The following FSTL4 variants were observed in gnomAD, a reference collection of about 807,000 sequenced individuals.
FSTL4 encodes follistatin like 4.
Under a neutral mutation model 78.2 loss-of-function variants are expected in FSTL4, and 28 were observed. The observed-to-expected ratio is 0.36, with a 90% confidence interval of 0.27 to 0.49. The LOEUF (loss-of-function observed/expected upper bound fraction) is 0.49. FSTL4 is among the 20% of genes least tolerant of loss of function. FSTL4 has a pLI of 0.98. For synonymous variants in FSTL4, 422 were observed against 440.5 expected (o/e 0.96, Z 0.53); for missense variants, 922 against 1,084.9 (o/e 0.85, Z 2.11).
chr5:133,527,406 G>T (rs568479802), intron 3 of FSTL4, among the ~76,000 whole-genome samples: 1 of 152,046 alleles, frequency 6.6e-6, no homozygotes, highest in East Asian at 1.9e-4. Flanking sequence ...AATCAGGCAG[G>T]GCTAGCCAGT....
At chr5:133,827,531 C>A in the FSTL4 span, among the ~76,000 whole-genome samples, 1 of 152,020 alleles carries the variant, frequency 6.6e-6, no homozygotes, top group Non-Finnish European at 1.5e-5. Context: ...GGACACTGTG[C>A]AAATACTCTC....
At chr5:133,655,587 A>G in the FSTL4 span, among the ~76,000 whole-genome samples, 1 of 152,188 alleles carries the variant, frequency 6.6e-6, no homozygotes, top group Non-Finnish European at 1.5e-5. Flanking sequence ...CTGGGGATGT[A>G]TTGGTGAACT....
At chr5:133,813,184 G>A in the FSTL4 span, among the ~76,000 whole-genome samples, 74 of 152,246 alleles carry the variant, frequency 4.9e-4, no homozygotes, top group East Asian at 5.6e-3. Flanking sequence ...TGAAAGCCAC[G>A]TATGTAGCTT....
At chr5:133,627,235 G>T in the FSTL4 span, among the ~76,000 whole-genome samples, 1 of 148,144 alleles carries the variant, frequency 6.8e-6, no homozygotes, top group Admixed American at 6.8e-5. Flanking sequence ...CCAAGACTGT[G>T]GAATTTATAA....
At chr5:133,714,779 AC>A in the FSTL4 span, among the ~76,000 whole-genome samples, 1 of 152,130 alleles carries the variant, frequency 6.6e-6, no homozygotes, top group Non-Finnish European at 1.5e-5. Flanking sequence ...GATATGTGTT[AC>A]CCCAGCGTCA....
At chr5:133,616,330 T>TATCTATC (rs1280721991), upstream of FSTL4, among the ~76,000 whole-genome samples, 12 of 152,082 alleles carry the variant, frequency 7.9e-5, no homozygotes, top group African/African-American at 2.9e-4. Context: ...TCTATCTATC[T>TATCTATC]ATCTATCTAT....
At chr5:133,465,956 A>G (rs1757698500) in intron 3 of FSTL4, among the ~76,000 whole-genome samples, 1 of 152,214 alleles carries the variant, frequency 6.6e-6, no homozygotes, top group South Asian at 2.1e-4. Context: ...ACAAGCTTCC[A>G]GTGCTTATGG....
intron 14 of FSTL4, 33 bp from the exon 15 acceptor site, chr5:133,202,075 C>T: frequency 6.9e-7 from 1 of 1,441,674 alleles, no homozygotes; most frequent in Non-Finnish European, 9.6e-7. Flanking sequence ...TAGTGAGGGC[C>T]CATGCAGGTG....
intron 1 of FSTL4, among the ~76,000 whole-genome samples, chr5:133,608,635 T>G (rs1761023233): frequency 6.6e-6 from 1 of 152,216 alleles, no homozygotes; most frequent in Admixed American, 6.5e-5. Flanking sequence ...CTGAAGGACC[T>G]CCACTAGATT....
At chr5:133,232,886 A>G (rs1751536481) in intron 8 of FSTL4, among the ~76,000 whole-genome samples, 1 of 152,204 alleles carries the variant, frequency 6.6e-6, no homozygotes, top group Non-Finnish European at 1.5e-5. Flanking sequence ...TGTGAGAATC[A>G]AGGAAAAGCT....
intron 3 of FSTL4, among the ~76,000 whole-genome samples, chr5:133,546,061 A>G (rs1345782070): frequency 6.6e-6 from 1 of 152,256 alleles, no homozygotes; most frequent in East Asian, 1.9e-4. Context: ...GAAATATCTA[A>G]GTGTCAGCAA....
intron 4 of FSTL4, among the ~76,000 whole-genome samples, chr5:133,336,482 G>A (rs1027525892): frequency 3.9e-5 from 6 of 152,208 alleles, no homozygotes; most frequent in Non-Finnish European, 5.9e-5. Flanking sequence ...GACCACAGCC[G>A]CCTCTGCAGT....
intron 3 of FSTL4, among the ~76,000 whole-genome samples, chr5:133,415,287 G>C (rs951970718): frequency 6.6e-6 from 1 of 152,170 alleles, no homozygotes; most frequent in Non-Finnish European, 1.5e-5. Context: ...GGTAGCATCC[G>C]AAAGTGAAGG....
At chr5:133,257,248 T>A (rs2126830833) in intron 6 of FSTL4, among the ~76,000 whole-genome samples, 1 of 152,184 alleles carries the variant, frequency 6.6e-6, no homozygotes, top group Non-Finnish European at 1.5e-5. Flanking sequence ...AGACAAGTGT[T>A]AAGTGGGGAG....
intron 4 of FSTL4, among the ~76,000 whole-genome samples, chr5:133,386,666 A>T (rs1445807990): frequency 6.6e-6 from 1 of 152,132 alleles, no homozygotes; most frequent in Non-Finnish European, 1.5e-5. Flanking sequence ...CATAAACGAG[A>T]TCTTCATGTC....
At chr5:133,810,421 C>G in the FSTL4 span, among the ~76,000 whole-genome samples, 28,577 of 152,222 alleles carry the variant, frequency 0.19, 2,913 homozygotes, top group East Asian at 0.41. Context: ...CCACCTTTAT[C>G]TCATCATTCT....
At chr5:133,542,620 T>C (rs1363371457) in intron 3 of FSTL4, among the ~76,000 whole-genome samples, 1 of 152,230 alleles carries the variant, frequency 6.6e-6, no homozygotes, top group Non-Finnish European at 1.5e-5. Context: ...AATCTGATTA[T>C]ATTTCTTGAA....
chr5:133,649,516 C>T, the FSTL4 span, among the ~76,000 whole-genome samples: 3,450 of 152,290 alleles, frequency 0.023, 140 homozygotes, highest in African/African-American at 0.078. Context: ...ATTTCTGTTG[C>T]TCTACAACAT....
the FSTL4 span, among the ~76,000 whole-genome samples, chr5:133,777,385 G>A: frequency 5.3e-5 from 8 of 152,206 alleles, no homozygotes; most frequent in African/African-American, 1.7e-4. Flanking sequence ...GGGACGTAGC[G>A]TGACATTTCT....
Sources: allele counts gnomAD v4.1 joint callset (sites outside exome capture counted in the v4.1 genomes callset), GRCh38; gene constraint gnomAD v4.1.1; transcripts MANE v1.5; gene names NCBI Gene and HGNC (gene_info 2026-07-23, HGNC 2026-07-21).